VPS8: variants seen among roughly 807,000 people sequenced by gnomAD.
The protein encoded by VPS8 is vacuolar protein sorting-associated protein 8 homolog.
A neutral mutation model predicts 216.4 loss-of-function variants in VPS8; 129 were observed. That is an observed-to-expected ratio of 0.60 (90% CI 0.52 to 0.69). The LOEUF (loss-of-function observed/expected upper bound fraction) is 0.69. Among genes scored for constraint, VPS8 ranks in the 30% least tolerant of loss-of-function variants. The pLI is 0.00. For missense variants in VPS8, 1,531 were observed against 1,683.5 expected (o/e 0.91, Z 1.59); for synonymous variants, 571 against 565.4 (o/e 1.01, Z -0.14).
intron 40 of VPS8, among the ~76,000 whole-genome samples, chr3:184,981,837 T>C (rs901214928): frequency 6.6e-6 from 1 of 152,208 alleles, no homozygotes; most frequent in Non-Finnish European, 1.5e-5. Flanking sequence ...TTAACTTCAG[T>C]GAGCCTCAAT....
chr3:184,854,119 G>C lies in VPS8; in HGVS notation c.981G>C (p.Leu327=). Residue 327 remains leucine, a synonymous_variant, in exon 13 of 48, where the codon CTG becomes CTC. Coordinates refer to ENST00000625842, the MANE Select transcript of VPS8 (RefSeq NM_001009921.3). ...AACATATTTTTCTCTTACAGATACTGGTCATTGGATTGAAACCATCCTTGA... is the reference window on the plus strand; with the variant it reads ...AACATATTTTTCTCTTACAGATACTCGTCATTGGATTGAAACCATCCTTGA... ...LLAMASLTKI[L]VIGLKPSLKV... is the part of the protein sequence containing the mutation. The C allele has an allele frequency of 1.9e-6, 3 of 1,613,752 alleles. No homozygotes were observed. Among genetic ancestry groups the C allele is most frequent in the Non-Finnish European group, 2.5e-6 (3 of 1,179,764 alleles).
chr3:184,853,863 G>A lies in VPS8; in HGVS notation c.828G>A (p.Val276=), dbSNP rs375948258. The change falls in exon 12 of 48, where the codon GTG becomes GTA. Residue 276 remains valine (V), a synonymous_variant. Coordinates refer to ENST00000625842, the MANE Select transcript of VPS8 (RefSeq NM_001009921.3). ...TTTCAAATTGCATTTTCAGGAGAGT[G>A]ATGGGAGTGAGAACCTGTGAATCTA... is the stretch of plus-strand genomic sequence containing the variant. ...GSVFELTFKR[V]MGVRTCESRC... 2.3e-5 allele frequency: 36 copies of A among 1,572,728 alleles called. No individual in the cohort carries two copies. In the African/African-American group the frequency reaches 4.3e-4, roughly 19 times the overall value.
At chr3:184,895,710 G>A (rs887213860) in intron 23 of VPS8, among the ~76,000 whole-genome samples, 6 of 127,824 alleles carry the variant, frequency 4.7e-5, no homozygotes, top group African/African-American at 1.8e-4. Flanking sequence ...CGTGATCTTG[G>A]TTCACTGCAA....
At chr3:184,918,807 G>T (rs1039938434) in intron 28 of VPS8, among the ~76,000 whole-genome samples, 1 of 152,146 alleles carries the variant, frequency 6.6e-6, no homozygotes, top group Non-Finnish European at 1.5e-5. Flanking sequence ...GCAGGGATGG[G>T]TGTCTATGTA....
rs1433104481 is a variant in VPS8 at position 184,819,068 on chromosome 3, A to C, written c.-88-5477A>C. ...GTCACACATTCTAGAGTTCTTATTCAGTTAGCCAGTGTCATAATTAAGTCA... is the reference window on the plus strand; with the variant it reads ...GTCACACATTCTAGAGTTCTTATTCCGTTAGCCAGTGTCATAATTAAGTCA... On this transcript the variant is annotated intron_variant, in intron 1 of 47. Coordinates refer to ENST00000625842, the MANE Select transcript of VPS8 (RefSeq NM_001009921.3). 2.0e-5 allele frequency among the ~76,000 whole-genome samples: 3 copies of C among 152,192 alleles called. 1 individual carries two copies. Among genetic ancestry groups the C allele is most frequent in the Non-Finnish European group, 4.4e-5 (3 of 68,038 alleles).
chr3:185,008,340 A>G (rs1754534861), intron 45 of VPS8, among the ~76,000 whole-genome samples: 1 of 152,230 alleles, frequency 6.6e-6, no homozygotes, highest in Non-Finnish European at 1.5e-5. Context: ...TATTTAATGT[A>G]TACCTGCATT....
chr3:184,985,154 A>G (rs889235117), intron 42 of VPS8, among the ~76,000 whole-genome samples: 13 of 152,152 alleles, frequency 8.5e-5, no homozygotes, highest in Non-Finnish European at 1.8e-4. Context: ...GCTTTCACAG[A>G]TATCATTTCA....
intron 2 of VPS8, 103 bp from the exon 3 acceptor site, chr3:184,826,060 A>T: frequency 1.3e-6 from 1 of 759,672 alleles, no homozygotes; most frequent in Non-Finnish European, 2.1e-6. Flanking sequence ...TTTTGGTGGT[A>T]AGTTTGTCTT....
At chr3:184,905,418 T>TTTC (rs1185870910) in intron 25 of VPS8, among the ~76,000 whole-genome samples, 2 of 152,216 alleles carry the variant, frequency 1.3e-5, no homozygotes, top group African/African-American at 4.8e-5. Context: ...ATTCCTTTTA[T>TTTC]TTCTGTAAGG....
At chr3:185,038,266 G>GTTGT (rs763865286) in intron 46 of VPS8, among the ~76,000 whole-genome samples, 1 of 152,160 alleles carries the variant, frequency 6.6e-6, no homozygotes, top group African/African-American at 2.4e-5. Context: ...TGGTTTTGTT[G>GTTGT]TTGTTTGTTT....
At chr3:184,892,742 G>C (rs553984598) in intron 22 of VPS8, among the ~76,000 whole-genome samples, 1 of 152,180 alleles carries the variant, frequency 6.6e-6, no homozygotes, top group African/African-American at 2.4e-5. Flanking sequence ...ATCACATGCT[G>C]TTTGTAAACA....
intron 46 of VPS8, among the ~76,000 whole-genome samples, chr3:185,025,594 C>G (rs923625746): frequency 2.6e-5 from 4 of 152,196 alleles, no homozygotes; most frequent in Admixed American, 1.3e-4. Flanking sequence ...AAATCTCTTT[C>G]ACTCTTGTCA....
At chr3:184,942,278 A>G (rs1742854206) in intron 36 of VPS8, among the ~76,000 whole-genome samples, 1 of 152,196 alleles carries the variant, frequency 6.6e-6, no homozygotes, top group Non-Finnish European at 1.5e-5. Context: ...AGTGCTGTGA[A>G]AGTTGTTTTG....
At chr3:185,041,590 C>G (rs1711633482) in intron 46 of VPS8, among the ~76,000 whole-genome samples, 1 of 152,126 alleles carries the variant, frequency 6.6e-6, no homozygotes, top group African/African-American at 2.4e-5. Context: ...TAGGCACTTC[C>G]CAAAATACAT....
intron 44 of VPS8, among the ~76,000 whole-genome samples, chr3:184,996,914 T>C (rs1223077234): frequency 6.6e-6 from 1 of 151,990 alleles, no homozygotes. Flanking sequence ...AAGAGAAAAA[T>C]GAATCTTTGG....
intron 22 of VPS8, among the ~76,000 whole-genome samples, chr3:184,888,284 G>A (rs982016544): frequency 3.3e-5 from 5 of 152,122 alleles, no homozygotes; most frequent in Admixed American, 6.5e-5. Flanking sequence ...CGCCGCACCC[G>A]GCCAAGAACA....
At chr3:184,862,358 T>C (rs1387374746) in intron 15 of VPS8, among the ~76,000 whole-genome samples, 1 of 152,180 alleles carries the variant, frequency 6.6e-6, no homozygotes, top group South Asian at 2.1e-4. Flanking sequence ...ATTATAATAG[T>C]ACTTATTAAA....
intron 26 of VPS8, among the ~76,000 whole-genome samples, chr3:184,914,227 T>C (rs1448817359): frequency 6.6e-6 from 1 of 152,204 alleles, no homozygotes; most frequent in African/African-American, 2.4e-5. Context: ...ACATTGATTC[T>C]TTAGTGTGAA....
chr3:184,980,274 G>C (rs544403132), intron 40 of VPS8, among the ~76,000 whole-genome samples: 1 of 151,718 alleles, frequency 6.6e-6, no homozygotes, highest in African/African-American at 2.4e-5. Flanking sequence ...TCTCGGTAAT[G>C]GTCATCTTGT....
Sources: gnomAD v4.1 joint callset for allele counts (sites outside exome capture counted in the v4.1 genomes callset) on GRCh38, gnomAD v4.1.1 for gene constraint, MANE v1.5 for transcripts, NCBI Gene and HGNC (gene_info 2026-07-23, HGNC 2026-07-21) for gene names.